SYN3: variants seen among roughly 807,000 people sequenced by gnomAD.
SYN3 encodes synapsin-3.
Under a neutral mutation model 65.8 loss-of-function variants are expected in SYN3, and 35 were observed. The observed-to-expected ratio is 0.53, with a 90% CI of 0.41 to 0.70. SYN3 has a LOEUF of 0.70. SYN3 is among the 30% of genes least tolerant of loss of function. SYN3 has a pLI of 0.00. For missense variants in SYN3, 680 were observed against 749.0 expected (o/e 0.91, Z 1.08); for synonymous variants, 270 against 292.9 (o/e 0.92, Z 0.80).
chr22:32,948,594 G>A (rs12160149), intron 3 of SYN3, among the ~76,000 whole-genome samples: 1,673 of 152,066 alleles, frequency 0.011, 24 homozygotes, highest in African/African-American at 0.036. Context: ...AAAATTAGCC[G>A]GGCGTGGTGG....
At chr22:32,724,831 C>A (rs1048115424) in intron 6 of SYN3, among the ~76,000 whole-genome samples, 2 of 152,080 alleles carry the variant, frequency 1.3e-5, no homozygotes, top group African/African-American at 4.8e-5. Context: ...GGCCAAACAC[C>A]TCTTCTGGGC....
intron 6 of SYN3, among the ~76,000 whole-genome samples, chr22:32,807,202 T>C (rs130272): frequency 0.6 from 87,406 of 146,648 alleles, 26,555 homozygotes; most frequent in African/African-American, 0.71. Context: ...TCTTGGAACC[T>C]TGAAATGTCT....
In SYN3 at chr22:32,570,322, A is replaced by C. The variant is rs1198426221; in HGVS notation, c.774+26352T>G. Among the ~76,000 whole-genome samples the C allele has an allele frequency of 3.9e-5, 6 of 152,320 alleles. No homozygotes were observed. In the East Asian group the frequency reaches 1.2e-3, roughly 29 times the overall value. ...TGTCTGTCTGGCTCCCTTGTGAAAT[A>C]CTGGGAAATTAAAGGCCATTGTAAA... On this transcript the variant is annotated intron_variant, in intron 7 of 13. Transcript: ENST00000358763.
intron 6 of SYN3, among the ~76,000 whole-genome samples, chr22:32,795,312 C>T (rs1376225490): frequency 6.6e-6 from 1 of 152,142 alleles, no homozygotes; most frequent in African/African-American, 2.4e-5. Flanking sequence ...GGAAAGAATC[C>T]ACAGGGGCCT....
chr22:32,580,641 T>C (rs1258140405), intron 7 of SYN3, among the ~76,000 whole-genome samples: 2 of 151,858 alleles, frequency 1.3e-5, no homozygotes, highest in Non-Finnish European at 2.9e-5. Context: ...CAAAGAACAA[T>C]ATTATTCGAA....
intron 6 of SYN3, among the ~76,000 whole-genome samples, chr22:32,650,838 C>T (rs1399528100): frequency 1.3e-5 from 2 of 152,174 alleles, no homozygotes; most frequent in Admixed American, 6.5e-5. Context: ...GCTTCTTGCC[C>T]AGCATTAGAG....
At chr22:33,051,117 C>A (rs2054158148) in intron 1 of SYN3, among the ~76,000 whole-genome samples, 1 of 152,098 alleles carries the variant, frequency 6.6e-6, no homozygotes, top group Non-Finnish European at 1.5e-5. Context: ...AGAACTGAGG[C>A]TCAGAAACGT....
intron 6 of SYN3, chr22:32,635,133 G>A (rs992623654): frequency 1.3e-5 from 2 of 152,084 alleles, no homozygotes; most frequent in Admixed American, 6.6e-5. Context: ...TACTAACCAG[G>A]CCCGACCCTG....
In SYN3 at chr22:32,748,909, G is replaced by A. The variant is rs185728320; in HGVS notation, c.711+116006C>T. Among the ~76,000 whole-genome samples the A allele has an allele frequency of 3.6e-4, 55 of 152,244 alleles. No individual in the cohort carries two copies. The East Asian group carries it at 9.3e-3, about 26-fold the overall frequency. On this transcript the variant is annotated intron_variant, in intron 6 of 13. Transcript: ENST00000358763. ...TAGCTAGTGACTAAAACTCCATTCT[G>A]GTGATACTTTTGGGTTCTGTTTCCT...
intron 6 of SYN3, among the ~76,000 whole-genome samples, chr22:32,751,568 A>G (rs1175230845): frequency 6.6e-6 from 1 of 152,196 alleles, no homozygotes; most frequent in Admixed American, 6.5e-5. Context: ...GCCCGGCAGA[A>G]CTGGCCTATA....
chr22:32,789,825 G>A (rs1406320117), intron 6 of SYN3, among the ~76,000 whole-genome samples: 1 of 152,168 alleles, frequency 6.6e-6, no homozygotes, highest in Non-Finnish European at 1.5e-5. Flanking sequence ...TCCCAGTACA[G>A]GGTGATGAAC....
chr22:32,717,702 A>G (rs3827339), intron 6 of SYN3, among the ~76,000 whole-genome samples: 2 of 151,932 alleles, frequency 1.3e-5, no homozygotes, highest in Non-Finnish European at 2.9e-5. Flanking sequence ...GCTGAGCTGA[A>G]TCCAGCTCTC....
At chr22:32,742,446 T>C (rs1233812759) in intron 6 of SYN3, among the ~76,000 whole-genome samples, 4 of 152,110 alleles carry the variant, frequency 2.6e-5, no homozygotes, top group African/African-American at 7.2e-5. Context: ...AGAGCTTCAA[T>C]ACTCGCTGGC....
chr22:32,870,346 C>T (rs962636688), intron 4 of SYN3, among the ~76,000 whole-genome samples: 2 of 151,988 alleles, frequency 1.3e-5, no homozygotes, highest in African/African-American at 2.4e-5. Context: ...ATGTTTTCCA[C>T]ATAATAATAT....
intron 6 of SYN3, among the ~76,000 whole-genome samples, chr22:32,654,759 A>G (rs928796633): frequency 6.6e-6 from 1 of 152,186 alleles, no homozygotes; most frequent in Non-Finnish European, 1.5e-5. Context: ...ATGCCTGCCT[A>G]GCCCCATTCC....
At chr22:32,819,403 G>A (rs2047174987) in intron 6 of SYN3, among the ~76,000 whole-genome samples, 1 of 152,252 alleles carries the variant, frequency 6.6e-6, no homozygotes, top group Non-Finnish European at 1.5e-5. Flanking sequence ...CAAACATGTA[G>A]AAGGGTGTAT....
chr22:33,057,964 G>A (rs2054280150), intron 1 of SYN3: 1 of 152,348 alleles, frequency 6.6e-6, no homozygotes, highest in Non-Finnish European at 1.5e-5. Context: ...GCTCTTCCCC[G>A]GGCCGGGCGC....
intron 5 of SYN3, among the ~76,000 whole-genome samples, chr22:32,867,951 G>A (rs1601584492): frequency 6.6e-6 from 1 of 152,222 alleles, no homozygotes; most frequent in Non-Finnish European, 1.5e-5. Context: ...TCAAATGAAT[G>A]ACTGAAACTA....
intron 3 of SYN3, among the ~76,000 whole-genome samples, chr22:32,958,484 T>C (rs2051537047): frequency 6.6e-6 from 1 of 152,212 alleles, no homozygotes; most frequent in Non-Finnish European, 1.5e-5. Flanking sequence ...ATACTAGTAG[T>C]AATAGCACTA....
Sources: gnomAD v4.1 joint callset for allele counts (sites outside exome capture counted in the v4.1 genomes callset) on GRCh38, gnomAD v4.1.1 for gene constraint, MANE v1.5 for transcripts, NCBI Gene and HGNC (gene_info 2026-07-23, HGNC 2026-07-21) for gene names.